Variants in DLG2 observed in about 807,000 individuals in gnomAD.
DLG2 encodes discs large MAGUK scaffold protein 2, also known as disks large homolog 2.
A neutral mutation model predicts 132.5 loss-of-function variants in DLG2; 45 were observed. That is an observed-to-expected ratio of 0.34 (90% CI 0.27 to 0.44). DLG2 has a LOEUF of 0.44. Among genes scored for constraint, DLG2 ranks in the 20% least tolerant of loss-of-function variants. The probability of loss-of-function intolerance (pLI) is 1.00; values close to 1 mark genes in which losing one functional copy is unlikely to be tolerated. For missense variants in DLG2, 1,045 were observed against 1,196.9 expected, an observed-to-expected ratio of 0.87 and a Z score of 1.87; for synonymous variants, 424 against 419.6, an observed-to-expected ratio of 1.01 and a Z score of -0.13.
At position 83,725,084 on chromosome 11, in the gene DLG2, A is replaced by C. The variant is rs923086960; in HGVS notation, c.1825+61606T>G. 1.1e-5 allele frequency: 6 copies of C among 558,966 alleles called. No individual in the cohort carries two copies. The African/African-American group carries it at 1.1e-4, about 10-fold the overall frequency. The allele number at this position is 558,966 out of a possible 1,614,324, so 34.6% of individuals were successfully genotyped here. A position where few individuals can be genotyped will look rare whatever the true frequency, so the allele number is the denominator to read the frequency against. On this transcript the variant is annotated intron_variant, in intron 18 of 27. Transcript: ENST00000376104. ...CTAGTTTGAGATGCTTTGCAACACA[A>C]ACAAGCCAATTTGAAAGATGGGATT... is the stretch of plus-strand genomic sequence containing the variant.
chr11:84,237,957 G>A (rs971347890), intron 8 of DLG2, among the ~76,000 whole-genome samples: 1 of 148,454 alleles, frequency 6.7e-6, no homozygotes, highest in Non-Finnish European at 1.5e-5. Flanking sequence ...CAAGAGAATC[G>A]CTTGAACCCG....
chr11:83,575,269 C>T (rs1236514060), intron 19 of DLG2, among the ~76,000 whole-genome samples: 5 of 152,124 alleles, frequency 3.3e-5, no homozygotes, highest in Admixed American at 2.0e-4. Context: ...GGACAAGAAT[C>T]TTTAGTAGAT....
At chr11:85,395,785 C>A (rs1442965706) in intron 3 of DLG2, among the ~76,000 whole-genome samples, 1 of 152,200 alleles carries the variant, frequency 6.6e-6, no homozygotes, top group Non-Finnish European at 1.5e-5. Context: ...TGGAGCCCAC[C>A]ACAGCTCAGC....
intron 3 of DLG2, among the ~76,000 whole-genome samples, chr11:85,445,632 G>T (rs570321780): frequency 6.6e-6 from 1 of 152,078 alleles, no homozygotes; most frequent in African/African-American, 2.4e-5. Context: ...GTGAGCCGAG[G>T]TTGCACCACT....
Position 84,740,560 on chromosome 11 carries a change from T to C in DLG2, c.358-205829A>G, listed in dbSNP as rs2064473001. Among the ~76,000 whole-genome samples, 3 of 151,798 alleles carry C rather than the reference T, an allele frequency of 2.0e-5. No individual in the cohort carries two copies. In the South Asian group the frequency reaches 6.3e-4, roughly 32 times the overall value. ...ATAGAGAACAAAGCCGCCTCTGGAGTGCATCCTCCTCTGGAGGCCAGTAGC... is the reference window on the plus strand; with the variant it reads ...ATAGAGAACAAAGCCGCCTCTGGAGCGCATCCTCCTCTGGAGGCCAGTAGC... On this transcript the variant is annotated intron_variant, in intron 6 of 27. Coordinates refer to ENST00000376104, the MANE Select transcript of DLG2 (RefSeq NM_001142699.3).
Position 85,285,240 on chromosome 11 carries a change from T to A in DLG2, c.166A>T (p.Arg56Ter). Residue 56 changes from arginine (R) to a stop codon, truncating the protein, a stop_gained, in exon 4 of 28, where the codon AGA becomes TGA. Coordinates refer to ENST00000376104, the MANE Select transcript of DLG2 (RefSeq NM_001142699.3). LOFTEE classifies it high-confidence loss of function. ...TATACCTCTGAAGATTTTTGAAGTC[T>A]GTCATGGCACGGAGCAAGAAGGGAT... ...KTSLLAPCHD[R>*]LQKSSELTDC... 6.2e-7 allele frequency: 1 copy of A among 1,611,554 alleles called. No homozygotes were observed. Among genetic ancestry groups the A allele is most frequent in the Non-Finnish European group, 8.5e-7 (1 of 1,178,378 alleles).
chr11:85,420,555 G>T (rs1024819283), intron 3 of DLG2, among the ~76,000 whole-genome samples: 2 of 152,144 alleles, frequency 1.3e-5, no homozygotes, highest in African/African-American at 4.8e-5. Flanking sequence ...CAGGTGCTCT[G>T]TCCCAAGGAG....
chr11:84,189,634 T>A (rs937287750), intron 8 of DLG2, among the ~76,000 whole-genome samples: 1 of 152,124 alleles, frequency 6.6e-6, no homozygotes, highest in Non-Finnish European at 1.5e-5. Context: ...TGGAATACTA[T>A]GGAGCCATAA....
At chr11:84,101,981 T>C (rs975377708) in intron 9 of DLG2, among the ~76,000 whole-genome samples, 1 of 152,204 alleles carries the variant, frequency 6.6e-6, no homozygotes, top group Non-Finnish European at 1.5e-5. Flanking sequence ...TGAAGTGAAC[T>C]GCAGGCTCTT....
intron 5 of DLG2, among the ~76,000 whole-genome samples, chr11:85,125,043 G>A (rs891191329): frequency 3.9e-5 from 6 of 152,148 alleles, no homozygotes; most frequent in Non-Finnish European, 8.8e-5. Flanking sequence ...TGTTAGCCAG[G>A]ATGGTCTCGA....
intron 3 of DLG2, among the ~76,000 whole-genome samples, chr11:85,361,613 C>T (rs529720954): frequency 6.6e-6 from 1 of 152,304 alleles, no homozygotes; most frequent in South Asian, 2.1e-4. Context: ...CAGTTCCATC[C>T]TTGTTGCTGC....
At chr11:84,441,132 A>AATTATTATTATTATTATTATTATT (rs57445306) in intron 7 of DLG2, among the ~76,000 whole-genome samples, 2 of 148,594 alleles carry the variant, frequency 1.3e-5, no homozygotes, top group African/African-American at 5.0e-5. Flanking sequence ...GATGTTAGTA[A>AATTATTATTATTATTATTATTATT]ATTATTATTA....
chr11:84,706,747 T>C (rs190573218), intron 6 of DLG2, among the ~76,000 whole-genome samples: 1 of 151,808 alleles, frequency 6.6e-6, no homozygotes, highest in Admixed American at 6.6e-5. Context: ...GAGGGACTTC[T>C]ATAAATCTAT....
intron 6 of DLG2, among the ~76,000 whole-genome samples, chr11:84,781,260 T>C (rs2071720058): frequency 6.6e-6 from 1 of 152,226 alleles, no homozygotes; most frequent in Admixed American, 6.5e-5. Context: ...CAGTATATAC[T>C]TCTGGAGAAT....
At chr11:83,555,275 A>C (rs1238148805) in intron 19 of DLG2, among the ~76,000 whole-genome samples, 1 of 152,250 alleles carries the variant, frequency 6.6e-6, no homozygotes, top group Non-Finnish European at 1.5e-5. Flanking sequence ...AATCCTGTAG[A>C]TCTTATGAAG....
intron 16 of DLG2, among the ~76,000 whole-genome samples, chr11:83,860,095 G>A (rs2061202907): frequency 6.6e-6 from 1 of 152,208 alleles, no homozygotes; most frequent in South Asian, 2.1e-4. Context: ...TGCTGCAGGG[G>A]TACAGTCCTC....
intron 6 of DLG2, among the ~76,000 whole-genome samples, chr11:84,785,706 T>G (rs982815854): frequency 6.6e-6 from 1 of 152,126 alleles, no homozygotes; most frequent in Admixed American, 6.6e-5. Flanking sequence ...CAGGTGATTT[T>G]TAAATAATAT....
chr11:84,901,843 C>T (rs976074326), intron 6 of DLG2, among the ~76,000 whole-genome samples: 1 of 151,898 alleles, frequency 6.6e-6, no homozygotes, highest in Non-Finnish European at 1.5e-5. Flanking sequence ...ATTCTATAGC[C>T]ATTTCTATTG....
At chr11:84,584,507 T>G (rs1313617235) in intron 6 of DLG2, among the ~76,000 whole-genome samples, 1 of 151,030 alleles carries the variant, frequency 6.6e-6, no homozygotes, top group African/African-American at 2.4e-5. Flanking sequence ...TCACCATGCC[T>G]GGCTATTTTT....
Sources: allele counts gnomAD v4.1 joint callset (sites outside exome capture counted in the v4.1 genomes callset), GRCh38; gene constraint gnomAD v4.1.1; transcripts MANE v1.5; gene names NCBI Gene and HGNC (gene_info 2026-07-23, HGNC 2026-07-21).